The following CNOT6 variants were observed in gnomAD, a reference collection of about 807,000 sequenced individuals.
The protein encoded by CNOT6 is carbon catabolite repression 4 protein.
CNOT6 carries 12 observed loss-of-function variants against 61.2 expected under a neutral mutation model. That is an observed-to-expected ratio of 0.20 (90% CI 0.13 to 0.32). The LOEUF (loss-of-function observed/expected upper bound fraction) is 0.32. Ranked by LOEUF, CNOT6 falls within the 10% of genes least tolerant of loss-of-function variation. The probability of loss-of-function intolerance (pLI) is 1.00; values close to 1 mark genes in which losing one functional copy is unlikely to be tolerated. For synonymous variants in CNOT6, 225 were observed against 240.6 expected (o/e 0.94, Z 0.60); for missense variants, 405 against 663.9 (o/e 0.61, Z 4.28).
chr5:180,529,867 G>T (rs1354220669), intron 2 of CNOT6, among the ~76,000 whole-genome samples: 1 of 152,166 alleles, frequency 6.6e-6, no homozygotes, highest in South Asian at 2.1e-4. Context: ...ACTGAGGACA[G>T]CCTTATTCAG....
chr5:180,550,295 CA>C (rs1312868247), intron 3 of CNOT6, among the ~76,000 whole-genome samples, 178 bp downstream of exon 3: 2 of 151,804 alleles, frequency 1.3e-5, no homozygotes, highest in Admixed American at 6.6e-5. Context: ...ACTAAAAATA[CA>C]AAAAATTAGC....
chr5:180,572,324 G>A (rs1760790063), intron 11 of CNOT6, among the ~76,000 whole-genome samples: 1 of 152,086 alleles, frequency 6.6e-6, no homozygotes, highest in South Asian at 2.1e-4. Flanking sequence ...CAAGTAGCTG[G>A]GATTACAGGC....
Position 180,533,312 on chromosome 5 carries a change from C to CTATATATATATATATATATA in CNOT6, c.112+3936_112+3955dup, listed in dbSNP as rs56266069. Among the ~76,000 whole-genome samples the CTATATATATATATATATATA allele has an allele frequency of 1.7e-3, 215 of 127,466 alleles. 3 individuals carry two copies. Among genetic ancestry groups the CTATATATATATATATATATA allele is most frequent in the African/African-American group, 2.6e-3 (82 of 32,068 alleles). The allele number at this position is 127,466 out of a possible 152,430, so 83.6% of individuals were successfully genotyped here. A position where few individuals can be genotyped will look rare whatever the true frequency, so the allele number is the denominator to read the frequency against. ...GGAACCAGGAACCATGGATGAAAACCTATATATATATATATATATATATAT... is the reference window on the plus strand; with the variant it reads ...GGAACCAGGAACCATGGATGAAAACCTATATATATATATATATATATATATATATATATATATATATATAT... On this transcript the variant is annotated intron_variant, in intron 2 of 11. Transcript: ENST00000261951.
chr5:180,510,238 C>A (rs558012939), intron 1 of CNOT6, among the ~76,000 whole-genome samples: 1 of 138,474 alleles, frequency 7.2e-6, no homozygotes, highest in African/African-American at 2.7e-5. Flanking sequence ...AATGATAGCA[C>A]GCTATAGCCT....
chr5:180,561,844 C>T (rs1486345857), intron 4 of CNOT6, among the ~76,000 whole-genome samples: 1 of 152,234 alleles, frequency 6.6e-6, no homozygotes, highest in African/African-American at 2.4e-5. Context: ...TTGGCCTCCT[C>T]TGACACCACC....
At chr5:180,517,276 G>A (rs139073669) in intron 1 of CNOT6, among the ~76,000 whole-genome samples, 1 of 152,042 alleles carries the variant, frequency 6.6e-6, no homozygotes, top group East Asian at 1.9e-4. Context: ...TAGCTGGGAT[G>A]TACCACCATG....
At chr5:180,529,133 G>A in intron 1 of CNOT6, 142 bp from the exon 2 acceptor site, 1 of 629,712 alleles carries the variant, frequency 1.6e-6, no homozygotes. Context: ...TGCTTGAAGA[G>A]GTTGGAGTGA....
chr5:180,532,115 C>T (rs1335174819), intron 2 of CNOT6, among the ~76,000 whole-genome samples: 2 of 152,238 alleles, frequency 1.3e-5, no homozygotes, highest in Admixed American at 6.5e-5. Context: ...ATTTGGCTTT[C>T]TGTGCCAGGG....
At chr5:180,570,976 C>T (rs537162940) in intron 10 of CNOT6, among the ~76,000 whole-genome samples, 1 of 152,298 alleles carries the variant, frequency 6.6e-6, no homozygotes. Flanking sequence ...TATTATCCAC[C>T]AGCCCAATTG....
chr5:180,543,330 A>G (rs1759140069), intron 2 of CNOT6, among the ~76,000 whole-genome samples: 2 of 146,602 alleles, frequency 1.4e-5, no homozygotes, highest in Admixed American at 6.7e-5. Context: ...AAGTGCTGTG[A>G]TAACAGGCGT....
chr5:180,560,602 CTCCTG>C (rs1760115388), intron 4 of CNOT6, among the ~76,000 whole-genome samples: 1 of 152,110 alleles, frequency 6.6e-6, no homozygotes, highest in Non-Finnish European at 1.5e-5. Flanking sequence ...ATTTGTTTTT[CTCCTG>C]CAGGTAAGGT....
chr5:180,507,270 G>T (rs993919168), intron 1 of CNOT6, among the ~76,000 whole-genome samples: 21 of 152,146 alleles, frequency 1.4e-4, no homozygotes, highest in African/African-American at 5.1e-4. Context: ...AATGAGCCTG[G>T]GTTTCCTGTT....
At chr5:180,530,579 T>TA (rs1452946943) in intron 2 of CNOT6, among the ~76,000 whole-genome samples, 1 of 150,542 alleles carries the variant, frequency 6.6e-6, no homozygotes, top group Non-Finnish European at 1.5e-5. Flanking sequence ...TTTTTTTTTT[T>TA]AGTTTTTATT....
intron 4 of CNOT6, among the ~76,000 whole-genome samples, chr5:180,558,083 AC>A (rs1759989510): frequency 6.6e-6 from 1 of 152,166 alleles, no homozygotes; most frequent in African/African-American, 2.4e-5. Context: ...CCTTCCGCCA[AC>A]ATCTGCAAAA....
chr5:180,568,931 A>C (rs1457247112), intron 9 of CNOT6, among the ~76,000 whole-genome samples, 179 bp from the exon 10 acceptor site: 1 of 152,226 alleles, frequency 6.6e-6, no homozygotes, highest in African/African-American at 2.4e-5. Flanking sequence ...GCATCAGCCC[A>C]GGTTGAGATG....
intron 1 of CNOT6, among the ~76,000 whole-genome samples, chr5:180,509,701 C>T (rs1204173028): frequency 2.6e-5 from 4 of 151,886 alleles, no homozygotes; most frequent in Non-Finnish European, 5.9e-5. Context: ...AGGCGTGAGC[C>T]ACCACACCCA....
intron 1 of CNOT6, among the ~76,000 whole-genome samples, chr5:180,508,952 A>G (rs542756538): frequency 4.0e-5 from 6 of 151,504 alleles, no homozygotes; most frequent in Non-Finnish European, 8.8e-5. Context: ...CCTCCCGAGT[A>G]GCTGAGACTA....
intron 2 of CNOT6, among the ~76,000 whole-genome samples, chr5:180,541,441 ATTTTTTTTTTTTT>A (rs1163850404): frequency 2.5e-4 from 27 of 106,578 alleles, no homozygotes; most frequent in Admixed American, 2.3e-3. Context: ...TGGCCAAGAA[ATTTTTTTTTTTTT>A]TTTTTTTTTT....
intron 1 of CNOT6, among the ~76,000 whole-genome samples, chr5:180,506,787 T>C (rs980190122): frequency 6.6e-6 from 1 of 152,220 alleles, no homozygotes; most frequent in Non-Finnish European, 1.5e-5. Flanking sequence ...TTAAGGCTTC[T>C]TTTGCACTCT....
Sources: allele counts gnomAD v4.1 joint callset (sites outside exome capture counted in the v4.1 genomes callset), GRCh38; gene constraint gnomAD v4.1.1; transcripts MANE v1.5; gene names NCBI Gene and HGNC (gene_info 2026-07-23, HGNC 2026-07-21).